The following IQGAP2 variants were observed in gnomAD, a reference collection of about 807,000 sequenced individuals.
The protein encoded by IQGAP2 is ras GTPase-activating-like protein IQGAP2.
A neutral mutation model predicts 201.3 loss-of-function variants in IQGAP2; 173 were observed. That is an observed-to-expected ratio of 0.86 (90% CI 0.76 to 0.98). The LOEUF (loss-of-function observed/expected upper bound fraction) is 0.98. IQGAP2 is among the 50% of genes least tolerant of loss of function. The pLI is 0.00. For missense variants in IQGAP2, 1,687 were observed against 1,864.8 expected, an observed-to-expected ratio of 0.90 and a Z score of 1.76; for synonymous variants, 675 against 673.9, an observed-to-expected ratio of 1.00 and a Z score of -0.03.
chr5:76,707,051 G>C, intron 35 of IQGAP2, 149 bp from the exon 36 acceptor site: 1 of 599,018 alleles, frequency 1.7e-6, no homozygotes, highest in Non-Finnish European at 3.0e-6. Context: ...TAAGCCAGGA[G>C]TTTGAGACCA....
chr5:76,493,939 T>C (rs1482122683), intron 2 of IQGAP2, among the ~76,000 whole-genome samples: 2 of 152,214 alleles, frequency 1.3e-5, no homozygotes, highest in East Asian at 3.8e-4. Flanking sequence ...CCCCCACAGA[T>C]GCTCCAGTCC....
At chr5:76,510,817 C>T in intron 2 of IQGAP2, 1 of 435,808 alleles carries the variant, frequency 2.3e-6, no homozygotes, top group Non-Finnish European at 4.5e-6. Context: ...AGAAGACACA[C>T]CTGGCCTCCA....
chr5:76,514,044 G>A (rs540764225), intron 2 of IQGAP2, among the ~76,000 whole-genome samples: 298 of 117,104 alleles, frequency 2.5e-3, no homozygotes, highest in African/African-American at 9.8e-3. Flanking sequence ...TTTTTGAGAC[G>A]GAGTCTTGCT....
chr5:76,662,893 G>T (rs1743390678), intron 21 of IQGAP2, among the ~76,000 whole-genome samples: 1 of 152,140 alleles, frequency 6.6e-6, no homozygotes, highest in African/African-American at 2.4e-5. Context: ...AAGCAATTGG[G>T]GTGACAGAAG....
chr5:76,442,802 A>G (rs533887327), intron 1 of IQGAP2, among the ~76,000 whole-genome samples: 3 of 152,294 alleles, frequency 2.0e-5, no homozygotes, highest in Admixed American at 2.0e-4. Context: ...GCTGGCCAAC[A>G]TGGTGAAACC....
At chr5:76,559,077 A>G (rs574749626) in intron 2 of IQGAP2, among the ~76,000 whole-genome samples, 44 of 151,782 alleles carry the variant, frequency 2.9e-4, no homozygotes, top group South Asian at 6.3e-4. Context: ...ATTTTTTTGT[A>G]TTTTTATTAG....
intron 26 of IQGAP2, 74 bp from the exon 27 acceptor site, chr5:76,674,403 T>TAAA: frequency 4.7e-6 from 3 of 632,132 alleles, no homozygotes; most frequent in Non-Finnish European, 7.6e-6. Context: ...TATATATCTT[T>TAAA]AAAAAAAAAA....
intron 20 of IQGAP2, among the ~76,000 whole-genome samples, chr5:76,656,340 C>G (rs1260062413): frequency 2.0e-5 from 3 of 152,062 alleles, no homozygotes; most frequent in Admixed American, 2.0e-4. Flanking sequence ...CACCACCGCA[C>G]CCAGCTAATT....
intron 2 of IQGAP2, among the ~76,000 whole-genome samples, chr5:76,462,965 A>G (rs1381420104): frequency 6.6e-6 from 1 of 152,034 alleles, no homozygotes; most frequent in Non-Finnish European, 1.5e-5. Flanking sequence ...CAAAAAAGTT[A>G]GATAAGGAGA....
intron 1 of IQGAP2, among the ~76,000 whole-genome samples, chr5:76,416,460 C>T (rs531245526): frequency 6.6e-5 from 10 of 152,168 alleles, no homozygotes; most frequent in Admixed American, 3.3e-4. Flanking sequence ...ATAGCAAGAC[C>T]TGCATCTAGC....
chr5:76,696,106 G>A (rs1746719503), intron 32 of IQGAP2, among the ~76,000 whole-genome samples: 1 of 151,948 alleles, frequency 6.6e-6, no homozygotes, highest in Admixed American at 6.6e-5. Context: ...AGCAGTTGAT[G>A]ACTTTTAAGA....
At chr5:76,672,122 T>C in intron 24 of IQGAP2, 139 bp downstream of exon 24, 2 of 649,600 alleles carry the variant, frequency 3.1e-6, no homozygotes, top group South Asian at 4.0e-5. Flanking sequence ...CCCTTTAACA[T>C]ATCCATGCAA....
intron 17 of IQGAP2, among the ~76,000 whole-genome samples, chr5:76,642,901 T>G (rs1279877493): frequency 1.3e-5 from 2 of 152,122 alleles, no homozygotes; most frequent in Non-Finnish European, 2.9e-5. Flanking sequence ...CTGTCTCAAG[T>G]GCTTATGGAG....
intron 2 of IQGAP2, among the ~76,000 whole-genome samples, chr5:76,511,306 T>G (rs1031550597): frequency 2.0e-5 from 3 of 152,200 alleles, no homozygotes; most frequent in African/African-American, 7.2e-5. Flanking sequence ...TGTTACTTCA[T>G]GGTCACAAGA....
At chr5:76,489,819 G>T (rs1459332520) in intron 2 of IQGAP2, among the ~76,000 whole-genome samples, 1 of 152,156 alleles carries the variant, frequency 6.6e-6, no homozygotes, top group Non-Finnish European at 1.5e-5. Flanking sequence ...GAATTAAGCT[G>T]TTGTTTTTAT....
chr5:76,611,593 A>G (rs1361914934), intron 13 of IQGAP2, among the ~76,000 whole-genome samples: 1 of 152,226 alleles, frequency 6.6e-6, no homozygotes, highest in African/African-American at 2.4e-5. Flanking sequence ...GGCAGTGGAC[A>G]TTGTCACATG....
At chr5:76,543,340 C>T (rs9293688) in intron 2 of IQGAP2, among the ~76,000 whole-genome samples, 56,082 of 152,020 alleles carry the variant, frequency 0.37, 10,973 homozygotes, top group East Asian at 0.64. Flanking sequence ...TCTGTGTGGT[C>T]GCTAATGACT....
Position 76,683,147 on chromosome 5 carries a change from T to C in IQGAP2, c.3693T>C (p.Pro1231=), listed in dbSNP as rs755362116. The part of the protein sequence containing the change: ...LLLEHQDAIA[P]EKNDLLSELL... Reference sequence around the variant, plus strand: ...TGGAACACCAGGATGCAATTGCCCCTGAGAAAAATGACTTACTGAGTGAAT... The same window carrying C: ...TGGAACACCAGGATGCAATTGCCCCCGAGAAAAATGACTTACTGAGTGAAT... The change falls in exon 29 of 36, where the codon CCT becomes CCC. Residue 1231 remains proline, a synonymous_variant. Transcript: ENST00000274364. 2.5e-6 allele frequency: 4 copies of C among 1,611,052 alleles called. No homozygotes were observed. Among genetic ancestry groups the C allele is most frequent in the Non-Finnish European group, 2.5e-6 (3 of 1,178,132 alleles).
At chr5:76,470,501 A>G (rs192246138) in intron 2 of IQGAP2, among the ~76,000 whole-genome samples, 1 of 152,306 alleles carries the variant, frequency 6.6e-6, no homozygotes, top group Non-Finnish European at 1.5e-5. Context: ...TAGAAACTCA[A>G]TCAGAAATTG....
Sources: allele counts gnomAD v4.1 joint callset (sites outside exome capture counted in the v4.1 genomes callset), GRCh38; gene constraint gnomAD v4.1.1; transcripts MANE v1.5; gene names NCBI Gene and HGNC (gene_info 2026-07-23, HGNC 2026-07-21).